FAIM: variants seen among roughly 807,000 people sequenced by gnomAD.
FAIM encodes fas apoptotic inhibitory molecule 1.
In FAIM, 14 loss-of-function variants were observed where a neutral mutation model predicts 21.2. The observed-to-expected ratio is 0.66, with a 90% CI of 0.44 to 1.03. The LOEUF (loss-of-function observed/expected upper bound fraction) is 1.03, where lower values mean the gene tolerates loss of function less well. Ranked by LOEUF, FAIM falls within the 50% of genes least tolerant of loss-of-function variation. The probability of loss-of-function intolerance (pLI) is 0.00; values close to 1 mark genes in which losing one functional copy is unlikely to be tolerated. For synonymous variants in FAIM, 86 were observed against 80.4 expected (o/e 1.07, Z -0.37); for missense variants, 222 against 247.1 (o/e 0.90, Z 0.68).
chr3:138,631,026 A>C (rs576867863), intron 5 of FAIM: 1 of 151,992 alleles, frequency 6.6e-6, no homozygotes, highest in East Asian at 1.9e-4. Flanking sequence ...AGTCCCAGCT[A>C]CTCAGGAGGC....
At chr3:138,628,983 G>A in intron 4 of FAIM, 124 bp from the exon 5 acceptor site, 1 of 641,024 alleles carries the variant, frequency 1.6e-6, no homozygotes, top group Non-Finnish European at 2.6e-6. Flanking sequence ...GTTGGGTTTT[G>A]GAATATTAAT....
chr3:138,620,159 C>T (rs1031099609), intron 2 of FAIM, among the ~76,000 whole-genome samples: 2 of 152,186 alleles, frequency 1.3e-5, no homozygotes, highest in African/African-American at 4.8e-5. Flanking sequence ...TAAATCCTAC[C>T]TCTGCCACTT....
chr3:138,613,740 C>T (rs534592225), intron 1 of FAIM, among the ~76,000 whole-genome samples: 2 of 152,310 alleles, frequency 1.3e-5, no homozygotes, highest in South Asian at 2.1e-4. Context: ...CCACCTTGGC[C>T]TCCCAAATTG....
At chr3:138,611,044 G>T in intron 1 of FAIM, 2 of 1,606,556 alleles carry the variant, frequency 1.2e-6, no homozygotes, top group Non-Finnish European at 1.7e-6. Context: ...TGAGGTTAGT[G>T]CCCTGCCCAG....
intron 1 of FAIM, among the ~76,000 whole-genome samples, chr3:138,612,096 A>ATTT (rs138371254): frequency 1.5e-3 from 151 of 100,766 alleles, no homozygotes; most frequent in African/African-American, 4.3e-3. Flanking sequence ...TTGTCTGGCT[A>ATTT]TTTTTTTTTT....
intron 2 of FAIM, among the ~76,000 whole-genome samples, chr3:138,620,984 TTC>T (rs1313887993): frequency 5.3e-5 from 8 of 152,146 alleles, no homozygotes; most frequent in African/African-American, 1.9e-4. Context: ...GTTTGGAGAG[TTC>T]TTGTTTTAGA....
At chr3:138,623,844 A>C (rs1421932038) in intron 4 of FAIM, among the ~76,000 whole-genome samples, 7 of 152,178 alleles carry the variant, frequency 4.6e-5, no homozygotes, top group Non-Finnish European at 1.0e-4. Context: ...TATATTCCTT[A>C]GGTAATCTCC....
intron 1 of FAIM, among the ~76,000 whole-genome samples, chr3:138,618,472 G>C (rs1000841024): frequency 6.6e-6 from 1 of 152,038 alleles, no homozygotes; most frequent in Non-Finnish European, 1.5e-5. Context: ...TTCGAGACCA[G>C]CCTGACCAAC....
intron 1 of FAIM, among the ~76,000 whole-genome samples, chr3:138,616,845 C>A (rs1039914763): frequency 5.3e-5 from 8 of 151,876 alleles, no homozygotes; most frequent in Admixed American, 3.9e-4. Context: ...TGATTTGTTA[C>A]TTGGTTTAAG....
At chr3:138,621,372 T>G (rs1238466259) in intron 2 of FAIM, 35 bp from the exon 3 acceptor site, 1 of 1,598,580 alleles carries the variant, frequency 6.3e-7, no homozygotes, top group East Asian at 2.2e-5. Flanking sequence ...ATTAGTATTT[T>G]GGCCTACTAT....
chr3:138,621,540 G>A lies in FAIM; in HGVS notation c.177+1G>A, dbSNP rs1350357377. On this transcript the variant is annotated splice_donor_variant, in intron 3 of 5. Coordinates refer to ENST00000360570, the MANE Select transcript of FAIM (RefSeq NM_001033031.2). LOFTEE classifies it high-confidence loss of function. The stretch of plus-strand genomic sequence containing the variant: ...ACGAGTAGTATATGTAGATGGAAAG[G>A]TAGGAAGAAAATATGTTACTTTGTA... 6.2e-6 allele frequency: 10 copies of A among 1,609,904 alleles called. No individual in the cohort carries two copies. The highest frequency in any genetic ancestry group is 1.3e-5 in the African/African-American group (1 of 74,672).
At chr3:138,610,686 G>A in intron 1 of FAIM, 2 of 268,004 alleles carry the variant, frequency 7.5e-6, no homozygotes, top group Non-Finnish European at 1.4e-5. Flanking sequence ...GGGTTCAAGC[G>A]ATTCTTGTGC....
chr3:138,625,053 C>G (rs2042925569), intron 4 of FAIM, among the ~76,000 whole-genome samples: 1 of 152,136 alleles, frequency 6.6e-6, no homozygotes, highest in Non-Finnish European at 1.5e-5. Context: ...GTAGTCCCAA[C>G]TACTTGGGAG....
intron 2 of FAIM, among the ~76,000 whole-genome samples, chr3:138,620,332 GATT>G (rs138393400): frequency 3.1e-3 from 470 of 152,156 alleles, no homozygotes; most frequent in African/African-American, 8.6e-3. Flanking sequence ...TGTTAGCTAT[GATT>G]ATTATTACTG....
chr3:138,617,649 A>C (rs1454585375), intron 1 of FAIM, among the ~76,000 whole-genome samples: 3 of 141,796 alleles, frequency 2.1e-5, no homozygotes, highest in African/African-American at 8.0e-5. Context: ...TCATATCTAT[A>C]TATATAATAT....
intron 3 of FAIM, 82 bp from the exon 4 acceptor site, chr3:138,622,106 C>T: frequency 8.6e-7 from 1 of 1,156,648 alleles, no homozygotes; most frequent in Non-Finnish European, 1.2e-6. Context: ...ATGGCATTGC[C>T]TTTGTTCACT....
Position 138,629,131 on chromosome 3 carries a change from G to T in FAIM, c.431G>T (p.Cys144Phe). 1.9e-6 allele frequency: 3 copies of T among 1,611,762 alleles called. No homozygotes were observed. The highest frequency in any genetic ancestry group is 2.5e-6 in the Non-Finnish European group (3 of 1,179,200). Residue 144 changes from cysteine (C) to phenylalanine (F), a missense_variant, in exon 5 of 6, where the codon TGC becomes TTC. Cys to Phe is a radical substitution (Grantham distance 205). Coordinates refer to ENST00000360570, the MANE Select transcript of FAIM (RefSeq NM_001033031.2). ...GAAAAAGATGCTATGGACGTATGGT[G>T]CAATGGTAAAAAATTGGAGACAGCG... ...VLEKDAMDVW[C>F]NGKKLETAGE...
chr3:138,616,552 T>C (rs950897218), intron 1 of FAIM, among the ~76,000 whole-genome samples: 10 of 152,118 alleles, frequency 6.6e-5, no homozygotes, highest in African/African-American at 2.4e-4. Context: ...TTTTTTTTGG[T>C]GTTACTCTGT....
At chr3:138,623,666 C>T (rs1209010318) in intron 4 of FAIM, among the ~76,000 whole-genome samples, 1 of 152,046 alleles carries the variant, frequency 6.6e-6, no homozygotes, top group African/African-American at 2.4e-5. Context: ...GCTGTGCCCA[C>T]CCTTCTTTTC....
Sources: allele counts gnomAD v4.1 joint callset (sites outside exome capture counted in the v4.1 genomes callset), GRCh38; gene constraint gnomAD v4.1.1; transcripts MANE v1.5; gene names NCBI Gene and HGNC (gene_info 2026-07-23, HGNC 2026-07-21).